Variants in ETNK1 observed in about 807,000 individuals in gnomAD.
ETNK1 encodes the protein putative protein product of Nbla10396.
A neutral mutation model predicts 45.1 loss-of-function variants in ETNK1; 8 were observed. The observed-to-expected ratio is 0.18, with a 90% CI of 0.10 to 0.32. The LOEUF (loss-of-function observed/expected upper bound fraction) is 0.32, where lower values mean the gene tolerates loss of function less well. Among genes scored for constraint, ETNK1 ranks in the 10% least tolerant of loss-of-function variants. The pLI is 1.00. For synonymous variants in ETNK1, 152 were observed against 151.9 expected (o/e 1.00, Z -0.01); for missense variants, 302 against 430.6 (o/e 0.70, Z 2.64).
rs1171301183 is a variant in ETNK1 at position 22,689,178 on chromosome 12, G to A, written c.*4224G>A. 1.3e-5 allele frequency: 2 copies of A among 151,868 alleles called. No homozygotes were observed. The highest frequency in any genetic ancestry group is 1.3e-4 in the Admixed American group (2 of 15,254). The allele number at this position is 151,868 out of a possible 1,614,324, so 9.4% of individuals were successfully genotyped here. A position where few individuals can be genotyped will look rare whatever the true frequency, so the allele number is the denominator to read the frequency against. ...CACTGAAAATCTTCATTTCTGGATT[G>A]CAGTTTGAAATGGAATGAAGACCTG... On this transcript the variant is annotated 3_prime_UTR_variant, in exon 8 of 8. Coordinates refer to ENST00000266517, the MANE Select transcript of ETNK1 (RefSeq NM_018638.5).
intron 6 of ETNK1, among the ~76,000 whole-genome samples, chr12:22,675,419 G>C (rs979408283): frequency 6.6e-6 from 1 of 151,790 alleles, no homozygotes; most frequent in African/African-American, 2.4e-5. Flanking sequence ...GCAGTGGTAC[G>C]ATCATAGCTC....
At chr12:22,632,725 C>T (rs1057455146) in intron 1 of ETNK1, among the ~76,000 whole-genome samples, 2 of 152,176 alleles carry the variant, frequency 1.3e-5, no homozygotes, top group Non-Finnish European at 2.9e-5. Context: ...TGGTCTTAAA[C>T]TCCTGGCTTC....
chr12:22,644,599 T>C (rs10770910), intron 2 of ETNK1: 56,603 of 194,334 alleles, frequency 0.29, 8,646 homozygotes, highest in Non-Finnish European at 0.33. Flanking sequence ...ACCAGCAGTT[T>C]GCAACCATTT....
At chr12:22,658,570 AGGTATAGG>A (rs2137554051) in intron 2 of ETNK1, among the ~76,000 whole-genome samples, 1 of 152,320 alleles carries the variant, frequency 6.6e-6, no homozygotes, top group Admixed American at 6.5e-5. Context: ...ATTGAGATAT[AGGTATAGG>A]GGCCACAGCT....
chr12:22,682,660 T>C (rs552104816), intron 6 of ETNK1, among the ~76,000 whole-genome samples: 1 of 152,180 alleles, frequency 6.6e-6, no homozygotes, highest in African/African-American at 2.4e-5. Context: ...TTTAGTGACA[T>C]TGGCTTTTTA....
At chr12:22,681,248 A>G (rs1033808235) in intron 6 of ETNK1, among the ~76,000 whole-genome samples, 5 of 152,036 alleles carry the variant, frequency 3.3e-5, no homozygotes, top group Non-Finnish European at 7.4e-5. Flanking sequence ...TTTATGGATA[A>G]TGCTTCTCTA....
intron 6 of ETNK1, among the ~76,000 whole-genome samples, chr12:22,681,987 G>A (rs1050021801): frequency 9.2e-5 from 14 of 152,104 alleles, no homozygotes; most frequent in Non-Finnish European, 1.9e-4. Context: ...TAATCTGAAT[G>A]TATCAATTAA....
chr12:22,669,587 T>C (rs1034182111), intron 4 of ETNK1, among the ~76,000 whole-genome samples: 2 of 152,212 alleles, frequency 1.3e-5, no homozygotes, highest in African/African-American at 2.4e-5. Flanking sequence ...TATTTTATCA[T>C]GATGGTTGTC....
rs1592141471 is a variant in ETNK1, at chr12:22,690,065, T to C, written c.*5111T>C. The C allele has an allele frequency of 6.6e-6, 1 of 152,358 alleles. No homozygotes were observed. Among genetic ancestry groups the C allele is most frequent in the Non-Finnish European group, 1.5e-5 (1 of 67,912 alleles). The allele number at this position is 152,358 out of a possible 1,614,324, so 9.4% of individuals were successfully genotyped here. A position where few individuals can be genotyped will look rare whatever the true frequency, so the allele number is the denominator to read the frequency against. On this transcript the variant is annotated 3_prime_UTR_variant, in exon 8 of 8. Coordinates refer to ENST00000266517, the MANE Select transcript of ETNK1 (RefSeq NM_018638.5). The stretch of plus-strand genomic sequence containing the variant: ...AGTTTCAGAAGAAAAAGAATGAAAT[T>C]GGGTAACTGTCATTGCGTTAGCTTT...
chr12:22,632,259 A>G (rs1451120642), intron 1 of ETNK1, among the ~76,000 whole-genome samples: 2 of 152,092 alleles, frequency 1.3e-5, no homozygotes, highest in Admixed American at 1.3e-4. Flanking sequence ...AATAGGAGAA[A>G]AAAATCAATT....
At chr12:22,638,971 G>A (rs1330598938) in intron 1 of ETNK1, 1 of 152,052 alleles carries the variant, frequency 6.6e-6, no homozygotes, top group Non-Finnish European at 1.5e-5. Context: ...AAAATTAGCA[G>A]TAATGTCTAA....
rs192546510 is a variant in ETNK1 at position 22,651,343 on chromosome 12, G to T, written c.416+7321G>T. Among the ~76,000 whole-genome samples, 11 of 152,316 alleles carry T rather than the reference G, an allele frequency of 7.2e-5. No homozygotes were observed. The East Asian group carries it at 1.9e-3, about 27-fold the overall frequency. ...GAAAAGGGAAGATGAAGGCTCCGTT[G>T]TGAACATACCTGACTTCCAGGTAGC... On this transcript the variant is annotated intron_variant, in intron 2 of 7. Transcript: ENST00000266517.
intron 1 of ETNK1, among the ~76,000 whole-genome samples, chr12:22,641,514 T>C (rs562510957): frequency 2.6e-5 from 4 of 152,288 alleles, no homozygotes; most frequent in African/African-American, 9.6e-5. Context: ...TAATGTTGAA[T>C]GTTGATGTTC....
intron 6 of ETNK1, among the ~76,000 whole-genome samples, chr12:22,674,423 A>G (rs1954140394): frequency 6.6e-6 from 1 of 152,184 alleles, no homozygotes. Flanking sequence ...TGCCATTTTT[A>G]TAGTCTTAAA....
rs562742853 is a variant in ETNK1 at position 22,690,345 on chromosome 12, G to C, written c.*5391G>C. 6.6e-6 allele frequency: 1 copy of C among 152,516 alleles called. No individual in the cohort carries two copies. Among genetic ancestry groups the C allele is most frequent in the East Asian group, 1.9e-4 (1 of 5,180 alleles). The allele number at this position is 152,516 out of a possible 1,614,324, so 9.4% of individuals were successfully genotyped here. On this transcript the variant is annotated 3_prime_UTR_variant, in exon 8 of 8. Coordinates refer to ENST00000266517, the MANE Select transcript of ETNK1 (RefSeq NM_018638.5). Reference sequence around the variant, plus strand: ...CTGTTTTCTTGTTTCATATTTTCATGTTCAAAATTTAAGTTTTACATTTTT... The same window carrying C: ...CTGTTTTCTTGTTTCATATTTTCATCTTCAAAATTTAAGTTTTACATTTTT...
chr12:22,649,166 A>G (rs914945697), intron 2 of ETNK1, among the ~76,000 whole-genome samples: 8 of 151,978 alleles, frequency 5.3e-5, no homozygotes, highest in African/African-American at 1.7e-4. Context: ...TCTGTGCTTT[A>G]TCTTTTTATT....
At chr12:22,656,474 G>T in intron 2 of ETNK1, 1 of 985,336 alleles carries the variant, frequency 1.0e-6, no homozygotes, top group Middle Eastern at 5.2e-4. Flanking sequence ...AGACTGTTTG[G>T]AAAACATTTC....
At position 22,625,183 on chromosome 12, in the gene ETNK1, G is replaced by A; in HGVS notation, c.-248G>A. 1.2e-6 allele frequency: 2 copies of A among 1,601,280 alleles called. No homozygotes were observed. Among genetic ancestry groups the A allele is most frequent in the Non-Finnish European group, 8.5e-7 (1 of 1,172,678 alleles). ...CCCGGCATGCTCTGCGGCCGCCCGC[G>A]GTCCAGCTCCGACAACAGGAATTTT... On this transcript the variant is annotated 5_prime_UTR_variant, in exon 1 of 8. Coordinates refer to ENST00000266517, the MANE Select transcript of ETNK1 (RefSeq NM_018638.5).
rs11541361 is a variant in ETNK1, at chr12:22,688,553, A to G, written c.*3599A>G. The G allele has an allele frequency of 6.6e-6, 1 of 152,254 alleles. No homozygotes were observed. Among genetic ancestry groups the G allele is most frequent in the East Asian group, 1.9e-4 (1 of 5,200 alleles). The allele number at this position is 152,254 out of a possible 1,614,324, so 9.4% of individuals were successfully genotyped here. On this transcript the variant is annotated 3_prime_UTR_variant, in exon 8 of 8. Coordinates refer to ENST00000266517, the MANE Select transcript of ETNK1 (RefSeq NM_018638.5). ...TATAAGTGAAAATACTGTCATTTCA[A>G]TTTTCTGCTTTAAATTGTTTTTAAT...
Sources: allele counts gnomAD v4.1 joint callset (sites outside exome capture counted in the v4.1 genomes callset), GRCh38; gene constraint gnomAD v4.1.1; transcripts MANE v1.5; gene names NCBI Gene and HGNC (gene_info 2026-07-23, HGNC 2026-07-21).